BAZ2A: variants seen among roughly 807,000 people sequenced by gnomAD.
The protein encoded by BAZ2A is bromodomain adjacent to zinc finger domain 2A.
Under a neutral mutation model 199.9 loss-of-function variants are expected in BAZ2A, and 34 were observed. The observed-to-expected ratio is 0.17, with a 90% CI of 0.13 to 0.23. The LOEUF is 0.23. Ranked by LOEUF, BAZ2A falls within the 10% of genes least tolerant of loss-of-function variation. The pLI is 1.00. For missense variants in BAZ2A, 2,002 were observed against 2,391.1 expected (o/e 0.84, Z 3.39); for synonymous variants, 857 against 883.9 (o/e 0.97, Z 0.54).
In BAZ2A at chr12:56,609,838, C is replaced by T; in HGVS notation, c.1990G>A (p.Val664Ile). Reference protein sequence around the residue: ...RNTEKAKTKEVPKVKRGRGRP... With the variant: ...RNTEKAKTKEIPKVKRGRGRP... ...CCTCGACCCCGTTTCACCTTGGGGA[C>T]TTCCTTAGTCTTAGCCTTCTCAGTG... The change falls in exon 10 of 29, where the codon GTC (valine) becomes ATC (isoleucine). Residue 664 changes from valine (V) to isoleucine (I), a missense_variant. This residue lies in a region of BAZ2A where 74 missense variants were observed against 126.1 expected (regional missense o/e 0.59). Transcript: ENST00000549884. 6.2e-7 allele frequency: 1 copy of T among 1,613,828 alleles called. No individual in the cohort carries two copies. The highest frequency in any genetic ancestry group is 8.5e-7 in the Non-Finnish European group (1 of 1,179,846).
Position 56,611,933 on chromosome 12 carries a change from C to A in BAZ2A, c.1449G>T (p.Pro483=), listed in dbSNP as rs746896489. 4.3e-6 allele frequency: 7 copies of A among 1,611,870 alleles called. No individual in the cohort carries two copies. The highest frequency in any genetic ancestry group is 3.4e-5 in the Admixed American group (2 of 59,684). ...TTGGGGATGTCACTGAAGCCGTCAA[C>A]GGGACTTCTAAGGAGACTGCTGGGA... is the stretch of plus-strand genomic sequence containing the variant. ...AVLPAVSLEV[P]LTASVTSPKA... Residue 483 remains proline (P), a synonymous_variant, in exon 6 of 29, where the codon CCG becomes CCT. Coordinates refer to ENST00000549884, the MANE Select transcript of BAZ2A (RefSeq NM_001300905.2).
At chr12:56,613,567 A>G (rs972652423) in intron 4 of BAZ2A, among the ~76,000 whole-genome samples, 1 of 152,198 alleles carries the variant, frequency 6.6e-6, no homozygotes. Flanking sequence ...ACCTATGCAA[A>G]ATTCTAGGAT....
chr12:56,600,114 TG>T lies in BAZ2A; in HGVS notation c.4893-19del. 1 of 1,613,662 alleles carries T rather than the reference TG, an allele frequency of 6.2e-7. No homozygotes were observed. Among genetic ancestry groups the T allele is most frequent in the Non-Finnish European group, 8.5e-7 (1 of 1,179,630 alleles). ...CATATGATCTGGAGGGAGAAAGTGG[TG>T]ATCTTTGGAGAAGGAGCGGATCCAC... is the stretch of plus-strand genomic sequence containing the variant. On this transcript the variant is annotated intron_variant, in intron 24 of 28. Transcript: ENST00000549884.
In BAZ2A at chr12:56,599,011, C is replaced by T; in HGVS notation, c.5403G>A (p.Glu1801=). ...RNHHSDLTFC[E]IILMEMESHD... ...GGGACTCCATCTCCATCAGGATAAT[C>T]CTATCATTAGAGGGACAATGATGGC... Residue 1801 remains glutamate, a splice_region_variant and synonymous_variant, in exon 28 of 29, where the codon GAG becomes GAA. Coordinates refer to ENST00000549884, the MANE Select transcript of BAZ2A (RefSeq NM_001300905.2). 6.2e-7 allele frequency: 1 copy of T among 1,610,950 alleles called. No individual in the cohort carries two copies. The highest frequency in any genetic ancestry group is 1.3e-5 in the African/African-American group (1 of 74,968).
chr12:56,630,100 GC>G, intron 1 of BAZ2A, 24 bp downstream of exon 1: 1 of 972,640 alleles, frequency 1.0e-6, no homozygotes, highest in Non-Finnish European at 1.2e-6. Context: ...TCCCCCTCAG[GC>G]CCCTGGCCAC....
At position 56,601,245 on chromosome 12, in the gene BAZ2A, C is replaced by T. The variant is rs917094148; in HGVS notation, c.4229G>A (p.Ser1410Asn). 5 of 1,614,050 alleles carry T rather than the reference C, an allele frequency of 3.1e-6. No homozygotes were observed. The African/African-American group carries it at 6.7e-5, about 22-fold the overall frequency. The change falls in exon 21 of 29, where the codon AGT (serine) becomes AAT (asparagine). Residue 1410 changes from serine to asparagine, a missense_variant. Around this residue, in one of 6 missense-constraint regions of BAZ2A, gnomAD observed 1,081 missense variants for 1,274.7 expected, o/e 0.85. Coordinates refer to ENST00000549884, the MANE Select transcript of BAZ2A (RefSeq NM_001300905.2). ...CTGTTCCATCTGTTTGAAGAACTTA[C>T]TGGGAGGTCTCCCTCTCCGTTTGGG... Reference protein sequence around the residue: ...GQPKRRGRPPSKFFKQMEQRY... With the variant: ...GQPKRRGRPPNKFFKQMEQRY...
In BAZ2A at chr12:56,598,472, TG is replaced by T; in HGVS notation, c.*145del. 1.0e-6 allele frequency: 1 copy of T among 969,550 alleles called. No individual in the cohort carries two copies. The highest frequency in any genetic ancestry group is 1.5e-6 in the Non-Finnish European group (1 of 665,334). The allele number at this position is 969,550 out of a possible 1,614,324, so 60.1% of individuals were successfully genotyped here. The stretch of plus-strand genomic sequence containing the variant: ...AAAGGGATGTAGGAATAAGAGGATG[TG>T]GGGCACTGCCAAGGGCAAGGTCAAA... On this transcript the variant is annotated 3_prime_UTR_variant, in exon 29 of 29. Coordinates refer to ENST00000549884, the MANE Select transcript of BAZ2A (RefSeq NM_001300905.2).
chr12:56,615,815 G>C (rs915377263), intron 2 of BAZ2A, among the ~76,000 whole-genome samples: 10 of 152,174 alleles, frequency 6.6e-5, no homozygotes, highest in African/African-American at 2.4e-4. Flanking sequence ...CTGAGGCTGA[G>C]TAGGGGGCTA....
In BAZ2A at chr12:56,601,898, T is replaced by G. The variant is rs563788201; in HGVS notation, c.3719A>C (p.Gln1240Pro). The G allele has an allele frequency of 7.6e-5, 122 of 1,604,320 alleles. No individual in the cohort carries two copies. The highest frequency in any genetic ancestry group is 1.0e-4 in the Non-Finnish European group (117 of 1,175,228). ...QPQPQLQLQL[Q>P]SHKGFLEQEG... ...TTGCTCCAGGAACCCCTTATGGGACTGAAGCTGAAGCTGAAGCTGAGGCTG... is the reference window on the plus strand; with the variant it reads ...TTGCTCCAGGAACCCCTTATGGGACGGAAGCTGAAGCTGAAGCTGAGGCTG... Residue 1240 changes from glutamine (Q) to proline (P), a missense_variant, in exon 20 of 29, where the codon CAG becomes CCG. Physicochemically the swap from Gln to Pro is moderately conservative, Grantham distance 76. Around this residue, in one of 6 missense-constraint regions of BAZ2A, gnomAD observed 1,081 missense variants for 1,274.7 expected, o/e 0.85. Coordinates refer to ENST00000549884, the MANE Select transcript of BAZ2A (RefSeq NM_001300905.2).
intron 10 of BAZ2A, 131 bp from the exon 11 acceptor site, chr12:56,606,864 T>C: frequency 1.4e-6 from 1 of 719,254 alleles, no homozygotes; most frequent in Non-Finnish European, 2.4e-6. Context: ...AGCTTTTTTT[T>C]TTTTTAAGTA....
At chr12:56,604,194 T>TCTA (rs750623493) in intron 16 of BAZ2A, 23 bp downstream of exon 16, 15 of 1,589,664 alleles carry the variant, frequency 9.4e-6, no homozygotes, top group African/African-American at 1.3e-5. Context: ...TCTCTGAGGC[T>TCTA]CTACTCTCTG....
chr12:56,636,773 ACT>A (rs1422281195), upstream of BAZ2A: 1 of 153,386 alleles, frequency 6.5e-6, no homozygotes, highest in African/African-American at 2.4e-5. Flanking sequence ...CACCCCCATA[ACT>A]CAGCATTTCC....
At chr12:56,636,414 C>G (rs1331718375), upstream of BAZ2A, 1 of 1,359,514 alleles carries the variant, frequency 7.4e-7, no homozygotes. Context: ...GCGGGGCTTT[C>G]TCTGGGTGGA....
upstream of BAZ2A, among the ~76,000 whole-genome samples, chr12:56,632,343 C>T (rs1361793480): frequency 1.3e-5 from 2 of 152,138 alleles, no homozygotes; most frequent in Admixed American, 1.3e-4. Flanking sequence ...AAGCTGGTAT[C>T]CTTTTGTCTT....
intron 6 of BAZ2A, 48 bp downstream of exon 6, chr12:56,611,725 A>ATC: frequency 6.6e-7 from 1 of 1,522,222 alleles, no homozygotes; most frequent in Non-Finnish European, 8.8e-7. Flanking sequence ...ATGGGACAGA[A>ATC]AAGTTTCTTG....
Position 56,595,645 on chromosome 12 carries a change from T to C in BAZ2A, c.*2973A>G, listed in dbSNP as rs1341899955. ...TGAGTGGGAAGTGGTAAGCTGGTGA[T>C]GGTCCCATATTTGCTATGACAGGAA... On this transcript the variant is annotated 3_prime_UTR_variant, in exon 29 of 29. Coordinates refer to ENST00000549884, the MANE Select transcript of BAZ2A (RefSeq NM_001300905.2). 1 of 152,094 alleles carries C rather than the reference T, an allele frequency of 6.6e-6. No individual in the cohort carries two copies. Among genetic ancestry groups the C allele is most frequent in the African/African-American group, 2.4e-5 (1 of 41,382 alleles). The allele number at this position is 152,094 out of a possible 1,614,324, so 9.4% of individuals were successfully genotyped here.
chr12:56,628,296 T>C (rs74891029), intron 1 of BAZ2A, among the ~76,000 whole-genome samples: 2,849 of 150,958 alleles, frequency 0.019, 37 homozygotes, highest in Middle Eastern at 0.052. Flanking sequence ...TGCCACAAAA[T>C]GCCTGGGGAC....
Position 56,615,284 on chromosome 12 carries a change from T to A in BAZ2A, c.460A>T (p.Ser154Cys). The A allele has an allele frequency of 6.2e-7, 1 of 1,613,996 alleles. No homozygotes were observed. Among genetic ancestry groups the A allele is most frequent in the Non-Finnish European group, 8.5e-7 (1 of 1,179,892 alleles). Reference sequence around the variant, plus strand: ...GAATCAAAGTTAAGCCCCATGGGACTCTGGGTACCGTTGGCCCAGAACTCT... The same window carrying A: ...GAATCAAAGTTAAGCCCCATGGGACACTGGGTACCGTTGGCCCAGAACTCT... ...SQEFWANGTQ[S>C]PMGLNFDSQE... Residue 154 changes from serine to cysteine, a missense_variant, in exon 3 of 29, where the codon AGT becomes TGT. By Grantham distance (112) the Ser-to-Cys change is moderately radical. This residue lies in a region of BAZ2A where 641 missense variants were observed against 694.5 expected (regional missense o/e 0.92). Coordinates refer to ENST00000549884, the MANE Select transcript of BAZ2A (RefSeq NM_001300905.2).
upstream of BAZ2A, among the ~76,000 whole-genome samples, chr12:56,632,878 C>CAGA (rs1951352389): frequency 6.6e-6 from 1 of 152,048 alleles, no homozygotes; most frequent in South Asian, 2.1e-4. Context: ...TGTGCTTCTC[C>CAGA]CCCCATCCAG....
Sources: gnomAD v4.1 joint callset for allele counts (sites outside exome capture counted in the v4.1 genomes callset) on GRCh38, gnomAD v4.1.1 for gene constraint, gnomAD v4.1.1 regional missense constraint, MANE v1.5 for transcripts, NCBI Gene and HGNC (gene_info 2026-07-23, HGNC 2026-07-21) for gene names.